CLVS1: variants seen among roughly 807,000 people sequenced by gnomAD.
CLVS1 encodes clavesin 1.
CLVS1 carries 10 observed loss-of-function variants against 33.1 expected under a neutral mutation model. The ratio of observed to expected loss-of-function variants is 0.30; its 90% confidence interval spans 0.19 to 0.51. The LOEUF (loss-of-function observed/expected upper bound fraction) is 0.51, where lower values mean the gene tolerates loss of function less well. Among genes scored for constraint, CLVS1 ranks in the 20% least tolerant of loss-of-function variants. CLVS1 has a pLI of 0.97. For missense variants in CLVS1, 343 were observed against 433.4 expected (o/e 0.79, Z 1.85); for synonymous variants, 163 against 166.1 (o/e 0.98, Z 0.14).
Position 61,062,610 on chromosome 8 carries a change from C to T in CLVS1, c.-243+5380C>T, listed in dbSNP as rs145604848. On this transcript the variant is annotated intron_variant, in intron 1 of 2. Coordinates refer to the CLVS1 transcript ENST00000522621. ...TTTCTGAGAGGACTATGGTATTGAG[C>T]GATAAGGAAGTCTATGGCAGGATCT... Among the ~76,000 whole-genome samples, 1,456 of 152,216 alleles carry T rather than the reference C, an allele frequency of 9.6e-3. 28 individuals carry two copies. Among genetic ancestry groups the T allele is most frequent in the African/African-American group, 0.033 (1,374 of 41,514 alleles).
At chr8:61,092,235 T>C (rs1203315374) in intron 1 of CLVS1, among the ~76,000 whole-genome samples, 1 of 152,250 alleles carries the variant, frequency 6.6e-6, no homozygotes, top group Non-Finnish European at 1.5e-5. Context: ...TTGGTGTTTA[T>C]GTCCCTGTAT....
At chr8:61,423,943 G>A (rs1012509793) in intron 3 of CLVS1, among the ~76,000 whole-genome samples, 8 of 152,144 alleles carry the variant, frequency 5.3e-5, no homozygotes, top group Non-Finnish European at 1.0e-4. Flanking sequence ...GTAATTTGCC[G>A]AGACATGGAA....
intron 2 of CLVS1, among the ~76,000 whole-genome samples, chr8:61,271,476 A>G (rs1176397176): frequency 6.7e-6 from 1 of 148,402 alleles, no homozygotes; most frequent in African/African-American, 2.5e-5. Context: ...TGGTGCTGAA[A>G]AAAATGTATA....
At chr8:61,070,952 C>T (rs1585587247) in intron 1 of CLVS1, among the ~76,000 whole-genome samples, 2 of 152,208 alleles carry the variant, frequency 1.3e-5, no homozygotes, top group East Asian at 3.8e-4. Flanking sequence ...TCTGTAGGTG[C>T]ACCCTCTTCT....
chr8:60,973,944 T>A, the CLVS1 span, among the ~76,000 whole-genome samples: 1 of 152,178 alleles, frequency 6.6e-6, no homozygotes, highest in African/African-American at 2.4e-5. Flanking sequence ...AACAAGATGA[T>A]CTGTAATTTT....
the CLVS1 span, among the ~76,000 whole-genome samples, chr8:60,968,475 C>T: frequency 6.7e-6 from 1 of 149,188 alleles, no homozygotes; most frequent in African/African-American, 2.5e-5. Flanking sequence ...GACATTGCCC[C>T]ACTGCACTCC....
At chr8:61,255,328 A>C (rs538317944) in intron 2 of CLVS1, among the ~76,000 whole-genome samples, 2 of 152,282 alleles carry the variant, frequency 1.3e-5, no homozygotes, top group East Asian at 3.9e-4. Flanking sequence ...GAATTCTGGT[A>C]CCTTCACATT....
chr8:61,487,330 A>G (rs983247708), intron 5 of CLVS1, among the ~76,000 whole-genome samples: 1 of 152,270 alleles, frequency 6.6e-6, no homozygotes, highest in African/African-American at 2.4e-5. Context: ...TTTAAACTAG[A>G]TAAGAATAGA....
rs187878910 is a variant in CLVS1, at chr8:61,155,958, A to C, written c.-152+24098A>C. On this transcript the variant is annotated intron_variant, in intron 2 of 2. Transcript: ENST00000522621. ...TGGCCCATAATGGCTCACGCCTGTA[A>C]TCTCAGCATTTTGGGAGGCTGAGGT... Among the ~76,000 whole-genome samples, 7 of 152,312 alleles carry C rather than the reference A, an allele frequency of 4.6e-5. No homozygotes were observed. In the East Asian group the frequency reaches 9.6e-4, roughly 21 times the overall value.
chr8:61,335,140 G>A (rs112515016), intron 2 of CLVS1, among the ~76,000 whole-genome samples: 2,474 of 152,298 alleles, frequency 0.016, 58 homozygotes, highest in African/African-American at 0.055. Context: ...CAAGTGCAGA[G>A]TCTGCAAAAT....
chr8:61,226,980 GTTT>G (rs55718731), intron 2 of CLVS1, among the ~76,000 whole-genome samples: 9,341 of 132,404 alleles, frequency 0.071, 288 homozygotes, highest in East Asian at 0.16. Context: ...ACGAAAACAT[GTTT>G]TTTTTTTTTT....
chr8:61,241,932 AGTT>A (rs905640889), intron 2 of CLVS1, among the ~76,000 whole-genome samples: 16 of 151,164 alleles, frequency 1.1e-4, no homozygotes, highest in Admixed American at 2.6e-4. Flanking sequence ...CTGGCTTCAC[AGTT>A]GTTGTTTCAT....
chr8:61,281,814 A>G (rs1809676315), intron 2 of CLVS1, among the ~76,000 whole-genome samples: 1 of 152,154 alleles, frequency 6.6e-6, no homozygotes, highest in African/African-American at 2.4e-5. Context: ...ACTCGAGATC[A>G]TTTTGGACAC....
intron 2 of CLVS1, among the ~76,000 whole-genome samples, chr8:61,316,281 G>A (rs1811005837): frequency 6.6e-6 from 1 of 152,118 alleles, no homozygotes; most frequent in Admixed American, 6.6e-5. Context: ...CTTAACCCGA[G>A]GATACTGACC....
chr8:61,048,441 C>G, the CLVS1 span, among the ~76,000 whole-genome samples: 9 of 152,162 alleles, frequency 5.9e-5, no homozygotes, highest in Non-Finnish European at 1.3e-4. Context: ...AATTAACAGG[C>G]AAAGGGTGGG....
intron 2 of CLVS1, among the ~76,000 whole-genome samples, chr8:61,196,155 C>T (rs1807602084): frequency 6.6e-6 from 1 of 152,144 alleles, no homozygotes; most frequent in South Asian, 2.1e-4. Context: ...TATTGAACAA[C>T]TATTATGTGC....
chr8:61,278,947 A>C lies in CLVS1; in HGVS notation c.-151-20730A>C, dbSNP rs374489985. 4.7e-4 allele frequency among the ~76,000 whole-genome samples: 72 copies of C among 152,306 alleles called. 1 individual carries two copies. The highest frequency in any genetic ancestry group is 1.7e-3 in the African/African-American group (72 of 41,572). On this transcript the variant is annotated intron_variant, in intron 2 of 2. Transcript: ENST00000522621. ...GGGACAGAGGCCACAGCAATGGATCAGGCATCCTCACTGACAGGCTGGCAC... is the reference window on the plus strand; with the variant it reads ...GGGACAGAGGCCACAGCAATGGATCCGGCATCCTCACTGACAGGCTGGCAC...
At chr8:61,238,110 A>C (rs369731059) in intron 2 of CLVS1, among the ~76,000 whole-genome samples, 5 of 152,214 alleles carry the variant, frequency 3.3e-5, no homozygotes, top group Middle Eastern at 3.2e-3. Context: ...AGGGGGTCCT[A>C]TAGAAGATCT....
intron 2 of CLVS1, among the ~76,000 whole-genome samples, chr8:61,222,069 T>G (rs1656585557): frequency 6.6e-6 from 1 of 152,216 alleles, no homozygotes; most frequent in African/African-American, 2.4e-5. Context: ...GATTTTTCTC[T>G]CTTTTCTTCT....
Sources: gnomAD v4.1 joint callset for allele counts (sites outside exome capture counted in the v4.1 genomes callset) on GRCh38, gnomAD v4.1.1 for gene constraint, MANE v1.5 for transcripts, NCBI Gene and HGNC (gene_info 2026-07-23, HGNC 2026-07-21) for gene names.